Variants in CFAP20DC observed in about 807,000 individuals in gnomAD.
CFAP20DC encodes the protein CFAP20 domain containing.
Under a neutral mutation model 101.7 loss-of-function variants are expected in CFAP20DC, and 84 were observed. The ratio of observed to expected loss-of-function variants is 0.83; its 90% CI spans 0.69 to 0.99. The LOEUF (loss-of-function observed/expected upper bound fraction) is 0.99. CFAP20DC is among the 50% of genes least tolerant of loss of function. The probability of loss-of-function intolerance (pLI) is 0.00; values close to 1 mark genes in which losing one functional copy is unlikely to be tolerated. For missense variants in CFAP20DC, 1,007 were observed against 970.3 expected, an observed-to-expected ratio of 1.04 and a Z score of -0.50; for synonymous variants, 359 against 351.2, an observed-to-expected ratio of 1.02 and a Z score of -0.25.
intron 4 of CFAP20DC, among the ~76,000 whole-genome samples, chr3:58,952,781 C>T (rs2090264488): frequency 6.6e-6 from 1 of 152,058 alleles, no homozygotes; most frequent in South Asian, 2.1e-4. Flanking sequence ...CTGCTTATCA[C>T]AGTACTCTCA....
At chr3:58,999,798 AC>A (rs759487213) in intron 4 of CFAP20DC, among the ~76,000 whole-genome samples, 7 of 148,722 alleles carry the variant, frequency 4.7e-5, no homozygotes, top group South Asian at 4.3e-4. Flanking sequence ...TATTCTATTT[AC>A]TGTTGCCATG....
intron 13 of CFAP20DC, among the ~76,000 whole-genome samples, chr3:58,839,840 T>C (rs1386866551): frequency 6.6e-6 from 1 of 152,210 alleles, no homozygotes; most frequent in Non-Finnish European, 1.5e-5. Context: ...TGCTCAGAAA[T>C]GGAGATATCA....
intron 7 of CFAP20DC, among the ~76,000 whole-genome samples, chr3:58,877,206 G>A (rs992301294): frequency 6.6e-6 from 1 of 152,178 alleles, no homozygotes; most frequent in Non-Finnish European, 1.5e-5. Context: ...TTTGAGCAGT[G>A]ACCAGGCATT....
intron 3 of CFAP20DC, among the ~76,000 whole-genome samples, chr3:58,718,402 C>A (rs1274419736): frequency 6.6e-6 from 1 of 152,196 alleles, no homozygotes; most frequent in East Asian, 1.9e-4. Flanking sequence ...CTCCATGTGA[C>A]CCTGCAACAG....
intron 4 of CFAP20DC, among the ~76,000 whole-genome samples, chr3:58,956,555 A>G (rs1301197777): frequency 6.6e-6 from 1 of 152,168 alleles, no homozygotes; most frequent in African/African-American, 2.4e-5. Flanking sequence ...TTTTGACTTT[A>G]GTCCCTGGCT....
intron 4 of CFAP20DC, among the ~76,000 whole-genome samples, chr3:58,980,351 T>C (rs1428026833): frequency 6.6e-6 from 1 of 152,120 alleles, no homozygotes; most frequent in Non-Finnish European, 1.5e-5. Flanking sequence ...CCTAACTCAT[T>C]TTATGAGGCC....
intron 16 of CFAP20DC, among the ~76,000 whole-genome samples, chr3:58,746,703 G>T (rs61472870): frequency 4.6e-5 from 7 of 152,126 alleles, no homozygotes; most frequent in Admixed American, 1.3e-4. Flanking sequence ...AGGTTTTTTG[G>T]TTTTTTTAGT....
At position 59,043,355 on chromosome 3, in the gene CFAP20DC, A is replaced by G. The variant is rs144422325; in HGVS notation, c.205+2874T>C. ...CATCTTGGGTATGAGTGAGGAAAAT[A>G]TAAGAAGGAGGTGTCAACTTTCTCA... On this transcript the variant is annotated intron_variant, in intron 3 of 16. Coordinates refer to ENST00000482387, the MANE Select transcript of CFAP20DC (RefSeq NM_001394063.1). 5.9e-5 allele frequency among the ~76,000 whole-genome samples: 9 copies of G among 152,204 alleles called. No individual in the cohort carries two copies. The East Asian group carries it at 1.7e-3, about 29-fold the overall frequency.
At chr3:58,817,741 C>T (rs1347214245) in intron 14 of CFAP20DC, among the ~76,000 whole-genome samples, 5 of 151,632 alleles carry the variant, frequency 3.3e-5, no homozygotes, top group Non-Finnish European at 7.4e-5. Flanking sequence ...GGAGAACTTC[C>T]CCAATCTAGA....
intron 4 of CFAP20DC, chr3:58,970,668 A>G (rs1411516525): frequency 1.3e-5 from 2 of 152,174 alleles, no homozygotes. Context: ...TCTTGAAGAA[A>G]AAGGTTATAG....
intron 4 of CFAP20DC, among the ~76,000 whole-genome samples, chr3:58,960,367 C>T (rs1422477854): frequency 1.3e-5 from 2 of 151,804 alleles, no homozygotes; most frequent in Non-Finnish European, 2.9e-5. Flanking sequence ...TGGTGCATGC[C>T]TGTAATCCCA....
At chr3:58,888,431 G>T (rs2081852222) in intron 6 of CFAP20DC, among the ~76,000 whole-genome samples, 1 of 152,044 alleles carries the variant, frequency 6.6e-6, no homozygotes, top group Admixed American at 6.5e-5. Flanking sequence ...TTAAGTTCAG[G>T]GATACATGTG....
At chr3:58,793,299 A>G (rs1293090224) in intron 15 of CFAP20DC, among the ~76,000 whole-genome samples, 1 of 152,092 alleles carries the variant, frequency 6.6e-6, no homozygotes, top group African/African-American at 2.4e-5. Flanking sequence ...CCTAATACAT[A>G]ATATCTTCAT....
chr3:58,940,268 T>C (rs997486576), intron 4 of CFAP20DC, among the ~76,000 whole-genome samples: 3 of 152,236 alleles, frequency 2.0e-5, no homozygotes, highest in African/African-American at 7.2e-5. Flanking sequence ...TACTGGAGCC[T>C]CTATTCTTGT....
intron 12 of CFAP20DC, among the ~76,000 whole-genome samples, chr3:58,860,167 C>A (rs1214164192): frequency 2.3e-5 from 2 of 87,730 alleles, no homozygotes; most frequent in South Asian, 4.2e-4. Flanking sequence ...CAGGGCAAAA[C>A]TCCATCTCAA....
chr3:58,794,166 A>G (rs546141783), intron 15 of CFAP20DC: 20 of 316,208 alleles, frequency 6.3e-5, no homozygotes, highest in African/African-American at 3.9e-4. Flanking sequence ...GTCAAAAGCA[A>G]ATAAGTTGTT....
chr3:58,883,344 C>A (rs2081363362), intron 7 of CFAP20DC, among the ~76,000 whole-genome samples: 1 of 152,180 alleles, frequency 6.6e-6, no homozygotes, highest in African/African-American at 2.4e-5. Flanking sequence ...CAAAATTCAC[C>A]TTGAATCCTG....
At chr3:58,716,271 C>G (rs561463685), downstream of CFAP20DC, among the ~76,000 whole-genome samples, 95 of 149,730 alleles carry the variant, frequency 6.3e-4, no homozygotes, top group African/African-American at 2.2e-3. Flanking sequence ...ACGCCATTCT[C>G]CTGCCTCAGC....
intron 7 of CFAP20DC, among the ~76,000 whole-genome samples, chr3:58,883,727 A>G (rs915763741): frequency 1.3e-5 from 2 of 152,160 alleles, no homozygotes; most frequent in African/African-American, 4.8e-5. Flanking sequence ...CTTCTATGGG[A>G]TAAGTGATCC....
Sources: allele counts gnomAD v4.1 joint callset (sites outside exome capture counted in the v4.1 genomes callset), GRCh38; gene constraint gnomAD v4.1.1; transcripts MANE v1.5; gene names NCBI Gene and HGNC (gene_info 2026-07-23, HGNC 2026-07-21).